The following SET variants were observed in gnomAD, a reference collection of about 807,000 sequenced individuals.
SET encodes the protein protein SET.
A neutral mutation model predicts 39.0 loss-of-function variants in SET; 4 were observed. The observed-to-expected ratio is 0.10, with a 90% confidence interval of 0.05 to 0.23. The LOEUF is 0.23. Ranked by LOEUF, SET falls within the 10% of genes least tolerant of loss-of-function variation. SET has a pLI of 1.00. For missense variants in SET, 137 were observed against 329.7 expected (o/e 0.42, Z 4.53); for synonymous variants, 114 against 115.9 (o/e 0.98, Z 0.11).
chr9:128,692,485 C>A, intron 3 of SET, 177 bp from the exon 4 acceptor site: 2 of 419,992 alleles, frequency 4.8e-6, no homozygotes, highest in Non-Finnish European at 4.4e-6. Flanking sequence ...AAGCTATATT[C>A]TAATTGCTTG....
At chr9:128,684,926 G>A (rs553863962), upstream of SET, among the ~76,000 whole-genome samples, 2 of 152,272 alleles carry the variant, frequency 1.3e-5, no homozygotes, top group Admixed American at 1.3e-4. Context: ...TTTGGGAGAC[G>A]TAGCTGGAGC....
chr9:128,689,474 G>A lies in SET; in HGVS notation c.-109G>A. ...AGCGAGCGCCGGGAGGAGGCGGCCG[G>A]ACCGAGCGGGCGCCCGCGCGTGTGG... On this transcript the variant is annotated 5_prime_UTR_variant, in exon 1 of 8. Coordinates refer to ENST00000322030, the MANE Select transcript of SET (RefSeq NM_003011.4). 1 of 644,066 alleles carries A rather than the reference G, an allele frequency of 1.6e-6. No individual in the cohort carries two copies. The allele number at this position is 644,066 out of a possible 1,614,324, so 39.9% of individuals were successfully genotyped here. A position where few individuals can be genotyped will look rare whatever the true frequency, so the allele number is the denominator to read the frequency against.
At chr9:128,692,443 A>G (rs1861582351) in intron 3 of SET, 1 of 382,204 alleles carries the variant, frequency 2.6e-6, no homozygotes. Context: ...GGGAAAAGAT[A>G]TACAGCTACT....
Position 128,694,042 on chromosome 9 carries a change from G to T in SET, c.810G>T (p.Glu270Asp). ...DEDDDEGEEG[E>D]EDEGEDD Reference sequence around the variant, plus strand: ...ATGATGATGAAGGGGAGGAAGGAGAGGTAAAAGAAAATTTGGCTAAACCCA... The same window carrying T: ...ATGATGATGAAGGGGAGGAAGGAGATGTAAAAGAAAATTTGGCTAAACCCA... The change falls in exon 7 of 8, where the codon GAG (glutamate) becomes GAT (aspartate). Residue 270 changes from glutamate (E) to aspartate (D), a missense_variant and splice_region_variant. Coordinates refer to ENST00000322030, the MANE Select transcript of SET (RefSeq NM_003011.4). The T allele has an allele frequency of 3.4e-6, 5 of 1,480,674 alleles. No homozygotes were observed. The highest frequency in any genetic ancestry group is 2.7e-5 in the South Asian group (2 of 74,646). 91.7% of individuals were successfully genotyped at this position (1,480,674 alleles called of 1,614,324 possible). A position where few individuals can be genotyped will look rare whatever the true frequency, so the allele number is the denominator to read the frequency against.
chr9:128,683,820 G>A, exon 1 of SET: 4 of 1,271,902 alleles, frequency 3.1e-6, no homozygotes, highest in Non-Finnish European at 4.4e-6. Context: ...CTGGCACCTG[G>A]GGCAGTCTCA....
At position 128,689,556 on chromosome 9, in the gene SET, CT is replaced by C. The variant is rs747442364; in HGVS notation, c.-26del. On this transcript the variant is annotated 5_prime_UTR_variant, in exon 1 of 8. Coordinates refer to ENST00000322030, the MANE Select transcript of SET (RefSeq NM_003011.4). ...GCCTTCCCTTCTCTCCCCCTCCCCG[CT>C]CCCCCCCCGACCGCGGAGCAGCACC... 1 of 1,295,864 alleles carries C rather than the reference CT, an allele frequency of 7.7e-7. No homozygotes were observed. The highest frequency in any genetic ancestry group is 1.0e-6 in the Non-Finnish European group (1 of 989,204). 80.3% of individuals were successfully genotyped at this position (1,295,864 alleles called of 1,614,324 possible).
intron 3 of SET, chr9:128,692,395 T>C (rs7033074): frequency 0.98 from 156,284 of 159,124 alleles, 76,769 homozygotes; most frequent in Middle Eastern, 1. Context: ...GTGAGACTGT[T>C]TCAAAAAAAA....
At chr9:128,694,527 TACAGGTTTAGA>T in intron 7 of SET, 103 bp from the exon 8 acceptor site, 2 of 626,506 alleles carry the variant, frequency 3.2e-6, no homozygotes, top group Non-Finnish European at 5.6e-6. Flanking sequence ...GCAGCTGACT[TACAGGTTTAGA>T]AACTGGAGTG....
Position 128,689,485 on chromosome 9 carries a change from C to T in SET, c.-98C>T, listed in dbSNP as rs1861417945. On this transcript the variant is annotated 5_prime_UTR_variant, in exon 1 of 8. Coordinates refer to ENST00000322030, the MANE Select transcript of SET (RefSeq NM_003011.4). Reference sequence around the variant, plus strand: ...GGAGGAGGCGGCCGGACCGAGCGGGCGCCCGCGCGTGTGGCGTGAGGGGAA... The same window carrying T: ...GGAGGAGGCGGCCGGACCGAGCGGGTGCCCGCGCGTGTGGCGTGAGGGGAA... 2 of 649,994 alleles carry T rather than the reference C, an allele frequency of 3.1e-6. No individual in the cohort carries two copies. 40.3% of individuals were successfully genotyped at this position (649,994 alleles called of 1,614,324 possible).
chr9:128,687,156 G>A (rs1589451471), upstream of SET, among the ~76,000 whole-genome samples: 1 of 152,004 alleles, frequency 6.6e-6, no homozygotes, highest in African/African-American at 2.4e-5. Flanking sequence ...TCGGGAGTTC[G>A]AGACCAGCCT....
chr9:128,688,933 G>C (rs1053808005), upstream of SET, among the ~76,000 whole-genome samples: 2 of 151,800 alleles, frequency 1.3e-5, no homozygotes, highest in Non-Finnish European at 2.9e-5. Context: ...CACGTGACGC[G>C]CCGGCCGGGG....
rs1317293753 is a variant in SET at position 128,689,477 on chromosome 9, C to G, written c.-106C>G. On this transcript the variant is annotated 5_prime_UTR_variant, in exon 1 of 8. Coordinates refer to ENST00000322030, the MANE Select transcript of SET (RefSeq NM_003011.4). ...GAGCGCCGGGAGGAGGCGGCCGGAC[C>G]GAGCGGGCGCCCGCGCGTGTGGCGT... The G allele has an allele frequency of 1.1e-5, 7 of 645,220 alleles. No individual in the cohort carries two copies. The highest frequency in any genetic ancestry group is 1.5e-5 in the Non-Finnish European group (7 of 470,390). 40.0% of individuals were successfully genotyped at this position (645,220 alleles called of 1,614,324 possible).
At chr9:128,684,109 A>T in intron 1 of SET, 1 of 917,048 alleles carries the variant, frequency 1.1e-6, no homozygotes, top group East Asian at 2.7e-5. Context: ...ACCCCTAAGC[A>T]CCCCCAAAGG....
At chr9:128,685,038 G>T (rs1024882920), upstream of SET, 1 of 1,489,760 alleles carries the variant, frequency 6.7e-7, no homozygotes, top group African/African-American at 1.4e-5. Flanking sequence ...GGGCCTGCAA[G>T]GAAACGGGAA....
At chr9:128,692,606 T>C (rs1490090178) in intron 3 of SET, 56 bp from the exon 4 acceptor site, 1 of 1,157,764 alleles carries the variant, frequency 8.6e-7, no homozygotes, top group Non-Finnish European at 1.3e-6. Flanking sequence ...ATCACTTAAA[T>C]TGTTGTTAGT....
chr9:128,684,978 T>A (rs776069776), upstream of SET: 8 of 1,396,028 alleles, frequency 5.7e-6, no homozygotes, highest in Non-Finnish European at 3.8e-6. Flanking sequence ...GTCTGGCTCA[T>A]AGGGGAGGGT....
rs1861635988 is a variant in SET, at chr9:128,693,976, TGACGAAGAA to T, written c.746_754del (p.Asp249_Glu251del). ...AAGAGGAGGAAGGATTAGAAGATATTGACGAAGAAGGGGATGAGGATGAAGGTGAAGAAG... is the reference window on the plus strand; with the variant it reads ...AAGAGGAGGAAGGATTAGAAGATATTGGGGATGAGGATGAAGGTGAAGAAG... On this transcript the variant is annotated inframe_deletion, in exon 7 of 8. Transcript: ENST00000322030. 1 of 1,557,310 alleles carries T rather than the reference TGACGAAGAA, an allele frequency of 6.4e-7. No homozygotes were observed. The highest frequency in any genetic ancestry group is 8.8e-7 in the Non-Finnish European group (1 of 1,130,846).
chr9:128,691,762 G>T, intron 2 of SET, 96 bp from the exon 3 acceptor site: 1 of 1,218,092 alleles, frequency 8.2e-7, no homozygotes, highest in South Asian at 1.6e-5. Context: ...TATTTTGCAT[G>T]ACTCAAGCTA....
chr9:128,692,642 C>A lies in SET; in HGVS notation c.275-20C>A. Reference sequence around the variant, plus strand: ...GTGTGCCTGTTGAAAATTCAGCTGACCTGTAATTTTCTGGCCTAGTGTCTG... The same window carrying A: ...GTGTGCCTGTTGAAAATTCAGCTGAACTGTAATTTTCTGGCCTAGTGTCTG... On this transcript the variant is annotated intron_variant, in intron 3 of 7. Coordinates refer to ENST00000322030, the MANE Select transcript of SET (RefSeq NM_003011.4). 2.6e-6 allele frequency: 4 copies of A among 1,515,852 alleles called. No homozygotes were observed. The highest frequency in any genetic ancestry group is 2.3e-5 in the South Asian group (2 of 88,372). 93.9% of individuals were successfully genotyped at this position (1,515,852 alleles called of 1,614,324 possible).
Sources: allele counts gnomAD v4.1 joint callset (sites outside exome capture counted in the v4.1 genomes callset), GRCh38; gene constraint gnomAD v4.1.1; transcripts MANE v1.5; gene names NCBI Gene and HGNC (gene_info 2026-07-23, HGNC 2026-07-21).